The following OR8H2 variants were observed in gnomAD, a reference collection of about 807,000 sequenced individuals.
OR8H2 encodes olfactory receptor family 8 subfamily H member 2.
For missense variants in OR8H2, 374 were observed against 371.1 expected (o/e 1.01, Z -0.06); for synonymous variants, 157 against 139.2 (o/e 1.13, Z -0.90).
At position 56,103,703 on chromosome 11, in the gene OR8H2, TGTG is replaced by T. The variant is rs1000847903; in HGVS notation, c.-453_-451del. The T allele has an allele frequency of 1.9e-4, 29 of 152,344 alleles. No individual in the cohort carries two copies. Among genetic ancestry groups the T allele is most frequent in the African/African-American group, 7.0e-4 (29 of 41,580 alleles). The allele number at this position is 152,344 out of a possible 1,614,324, so 9.4% of individuals were successfully genotyped here. A position where few individuals can be genotyped will look rare whatever the true frequency, so the allele number is the denominator to read the frequency against. ...AGTGAGAGGGAAAGAATAATCTCCT[TGTG>T]GTCACAGTAGCTGCTGGTCTTCTTT... is the stretch of plus-strand genomic sequence containing the variant. On this transcript the variant is annotated 5_prime_UTR_variant, in exon 1 of 2. Transcript: ENST00000313503.
At position 56,106,228 on chromosome 11, in the gene OR8H2, C is replaced by G. The variant is rs1263120843; in HGVS notation, c.*247C>G. On this transcript the variant is annotated 3_prime_UTR_variant, in exon 2 of 2. Transcript: ENST00000313503. ...GTCTACATATATGTGTTTGAAGCAA[C>G]TGATGTGGAAAATAAGAAAATATGG... The G allele has an allele frequency of 3.6e-6, 1 of 280,216 alleles. No individual in the cohort carries two copies. The highest frequency in any genetic ancestry group is 6.6e-6 in the Non-Finnish European group (1 of 151,962). 17.4% of individuals were successfully genotyped at this position (280,216 alleles called of 1,614,324 possible).
At chr11:56,104,236 C>T (rs991813089) in intron 1 of OR8H2, among the ~76,000 whole-genome samples, 6 of 151,930 alleles carry the variant, frequency 3.9e-5, no homozygotes, top group South Asian at 2.1e-4. Flanking sequence ...GAAAACATTA[C>T]GTATTTTATA....
chr11:56,105,884 T>C lies in OR8H2; in HGVS notation c.842T>C (p.Val281Ala). Reference sequence around the variant, plus strand: ...GTGGCTTCTGTTTTTTATACTATTGTGATTCCCGTGCTGAATCCACTCATT... The same window carrying C: ...GTGGCTTCTGTTTTTTATACTATTGCGATTCCCGTGCTGAATCCACTCATT... ...DQVASVFYTI[V>A]IPVLNPLIYS... Residue 281 changes from valine to alanine, a missense_variant, in exon 2 of 2, where the codon GTG (valine) becomes GCG (alanine). By Grantham distance (64) the Val-to-Ala change is moderately conservative (BLOSUM62 0). Coordinates refer to ENST00000313503, the MANE Select transcript of OR8H2 (RefSeq NM_001386064.1). The C allele has an allele frequency of 1.8e-5, 29 of 1,611,022 alleles. No individual in the cohort carries two copies. The highest frequency in any genetic ancestry group is 2.5e-5 in the Non-Finnish European group (29 of 1,177,430).
chr11:56,104,870 A>G lies in OR8H2; in HGVS notation c.-171-2A>G. The G allele has an allele frequency of 2.1e-6, 1 of 481,232 alleles. No homozygotes were observed. The highest frequency in any genetic ancestry group is 5.4e-5 in the South Asian group (1 of 18,520). 29.8% of individuals were successfully genotyped at this position (481,232 alleles called of 1,614,324 possible). ...TTGTTTGTTTTTTGTTTTTTGAGTC[A>G]GAGTCTGGCACAGTCGCCAGGGCTG... On this transcript the variant is annotated splice_acceptor_variant, in intron 1 of 1. Transcript: ENST00000313503. LOFTEE classifies it low-confidence loss of function (5UTR_SPLICE).
chr11:56,104,195 G>C (rs1854016183), intron 1 of OR8H2, among the ~76,000 whole-genome samples: 1 of 151,898 alleles, frequency 6.6e-6, no homozygotes, highest in Non-Finnish European at 1.5e-5. Context: ...ATAATTTTTG[G>C]AAGAAATTAG....
chr11:56,104,731 T>C (rs189768598), intron 1 of OR8H2, 141 bp from the exon 2 acceptor site: 290 of 264,592 alleles, frequency 1.1e-3, no homozygotes, highest in African/African-American at 6.1e-3. Context: ...CTTACATCAA[T>C]ATTGGCAATA....
At position 56,105,478 on chromosome 11, in the gene OR8H2, A is replaced by G; in HGVS notation, c.436A>G (p.Thr146Ala). The change falls in exon 2 of 2, where the codon ACT becomes GCT. Residue 146 changes from threonine (T) to alanine (A), a missense_variant. Physicochemically the swap from Thr to Ala is moderately conservative, Grantham distance 58. Transcript: ENST00000313503. ...MSKRLCLALITGPYVIGFIDS... is the reference protein window; with the variant it reads ...MSKRLCLALIAGPYVIGFIDS... ...CAAAAGGCTCTGCCTCGCTCTCATC[A>G]CTGGGCCTTATGTGATTGGCTTTAT... 1 of 1,614,078 alleles carries G rather than the reference A, an allele frequency of 6.2e-7. No individual in the cohort carries two copies. Among genetic ancestry groups the G allele is most frequent in the Non-Finnish European group, 8.5e-7 (1 of 1,180,022 alleles).
Position 56,104,990 on chromosome 11 carries a change from G to A in OR8H2, c.-53G>A. 1 of 1,459,100 alleles carries A rather than the reference G, an allele frequency of 6.9e-7. No homozygotes were observed. The allele number at this position is 1,459,100 out of a possible 1,614,324, so 90.4% of individuals were successfully genotyped here. A position where few individuals can be genotyped will look rare whatever the true frequency, so the allele number is the denominator to read the frequency against. On this transcript the variant is annotated 5_prime_UTR_variant, in exon 2 of 2. Coordinates refer to ENST00000313503, the MANE Select transcript of OR8H2 (RefSeq NM_001386064.1). ...GCTTCTCCAGTAGCTGGGATTACAG[G>A]CGCCCCTGCTACGTATCAGCTTTGA...
In OR8H2 at chr11:56,105,693, C is replaced by T. The variant is rs1854045081; in HGVS notation, c.651C>T (p.Ser217=). Residue 217 remains serine (S), a synonymous_variant, in exon 2 of 2, where the codon TCC becomes TCT. Transcript: ENST00000313503. ...LMVSLFTISA[S]YVFILFTILK... The stretch of plus-strand genomic sequence containing the variant: ...TGTCCCTTTTCACAATATCTGCATC[C>T]TATGTGTTCATTCTCTTTACCATCC... 1.9e-6 allele frequency: 3 copies of T among 1,614,094 alleles called. No homozygotes were observed. Among genetic ancestry groups the T allele is most frequent in the Non-Finnish European group, 1.7e-6 (2 of 1,179,938 alleles).
In OR8H2 at chr11:56,105,785, T is replaced by A; in HGVS notation, c.743T>A (p.Val248Asp). 6.2e-7 allele frequency: 1 copy of A among 1,613,574 alleles called. No homozygotes were observed. ...FSTCVSHLLG[V>D]TIFYSTLIFT... ...ACTTGCGTCTCTCATCTCTTGGGAG[T>A]CACCATCTTTTATAGCACTCTGATT... The change falls in exon 2 of 2, where the codon GTC becomes GAC. Residue 248 changes from valine to aspartate, a missense_variant. Coordinates refer to ENST00000313503, the MANE Select transcript of OR8H2 (RefSeq NM_001386064.1).
At position 56,107,157 on chromosome 11, in the gene OR8H2, T is replaced by C. The variant is rs1854065943; in HGVS notation, c.*1176T>C. 1 of 151,928 alleles carries C rather than the reference T, an allele frequency of 6.6e-6. No homozygotes were observed. 9.4% of individuals were successfully genotyped at this position (151,928 alleles called of 1,614,324 possible). A position where few individuals can be genotyped will look rare whatever the true frequency, so the allele number is the denominator to read the frequency against. The stretch of plus-strand genomic sequence containing the variant: ...ACTTCACAATGTTTTGGACTTGAAA[T>C]ATAAACTCACCAACTTACAAATCTA... On this transcript the variant is annotated 3_prime_UTR_variant, in exon 2 of 2. Transcript: ENST00000313503.
At chr11:56,104,729 A>T (rs995758010) in intron 1 of OR8H2, 143 bp from the exon 2 acceptor site, 1 of 261,388 alleles carries the variant, frequency 3.8e-6, no homozygotes, top group African/African-American at 2.2e-5. Context: ...TACTTACATC[A>T]ATATTGGCAA....
In OR8H2 at chr11:56,104,910, G is replaced by C; in HGVS notation, c.-133G>C. ...CGCCAGGGCTGGAATGCAATGGTGC[G>C]ATCCCGGCTCACTGCAACCTCCGCC... On this transcript the variant is annotated 5_prime_UTR_variant, in exon 2 of 2. Transcript: ENST00000313503. 1.3e-6 allele frequency: 1 copy of C among 763,824 alleles called. No individual in the cohort carries two copies. The highest frequency in any genetic ancestry group is 1.8e-5 in the South Asian group (1 of 56,792). 47.3% of individuals were successfully genotyped at this position (763,824 alleles called of 1,614,324 possible). A position where few individuals can be genotyped will look rare whatever the true frequency, so the allele number is the denominator to read the frequency against.
At position 56,105,588 on chromosome 11, in the gene OR8H2, C is replaced by T. The variant is rs528209057; in HGVS notation, c.546C>T (p.Ser182=). Residue 182 remains serine, a synonymous_variant, in exon 2 of 2, where the codon TCC becomes TCT. Coordinates refer to ENST00000313503, the MANE Select transcript of OR8H2 (RefSeq NM_001386064.1). ...NVIHHFFCDT[S]PILALSCTDT... The stretch of plus-strand genomic sequence containing the variant: ...TTCATCACTTTTTCTGTGACACTTC[C>T]CCAATTTTAGCTCTGTCCTGCACTG... The T allele has an allele frequency of 6.2e-7, 1 of 1,614,166 alleles. No homozygotes were observed. Among genetic ancestry groups the T allele is most frequent in the African/African-American group, 1.3e-5 (1 of 75,030 alleles).
chr11:56,107,006 T>C lies in OR8H2; in HGVS notation c.*1025T>C, dbSNP rs1854063477. On this transcript the variant is annotated 3_prime_UTR_variant, in exon 2 of 2. Coordinates refer to ENST00000313503, the MANE Select transcript of OR8H2 (RefSeq NM_001386064.1). ...AATATGTGCATGTATATAACACATA[T>C]AAACAAAATTTGTATCACTTTCCAT... The C allele has an allele frequency of 6.6e-6, 1 of 151,966 alleles. No homozygotes were observed. Among genetic ancestry groups the C allele is most frequent in the African/African-American group, 2.4e-5 (1 of 41,448 alleles). The allele number at this position is 151,966 out of a possible 1,614,324, so 9.4% of individuals were successfully genotyped here. A position where few individuals can be genotyped will look rare whatever the true frequency, so the allele number is the denominator to read the frequency against.
chr11:56,105,867 T>A lies in OR8H2; in HGVS notation c.825T>A (p.Ser275=). Residue 275 remains serine (S), a synonymous_variant, in exon 2 of 2, where the codon TCT becomes TCA. Coordinates refer to ENST00000313503, the MANE Select transcript of OR8H2 (RefSeq NM_001386064.1). ...CCTTGGGAAGAGATCAAGTGGCTTC[T>A]GTTTTTTATACTATTGTGATTCCCG... ...SYSLGRDQVA[S]VFYTIVIPVL... is the part of the protein sequence containing the mutation. The A allele has an allele frequency of 6.2e-7, 1 of 1,612,146 alleles. No homozygotes were observed. The highest frequency in any genetic ancestry group is 1.3e-5 in the African/African-American group (1 of 75,014).
chr11:56,104,698 AC>A (rs1381195234), intron 1 of OR8H2, among the ~76,000 whole-genome samples, 173 bp from the exon 2 acceptor site: 2 of 152,226 alleles, frequency 1.3e-5, no homozygotes, highest in African/African-American at 4.8e-5. Flanking sequence ...CTTTATTGTA[AC>A]ATATGCAAAT....
chr11:56,105,978 G>A lies in OR8H2; in HGVS notation c.936G>A (p.Arg312=), dbSNP rs373631782. 12 of 1,526,606 alleles carry A rather than the reference G, an allele frequency of 7.9e-6. No homozygotes were observed. The African/African-American group carries it at 1.4e-4, about 18-fold the overall frequency. 94.6% of individuals were successfully genotyped at this position (1,526,606 alleles called of 1,614,324 possible). ...TCATGCAGAGAAGACAGGACTCCAG[G>A]TAATTAATATAGCAGGAATGCTGAA... ...IRVMQRRQDS[R] The change falls in exon 2 of 2, where the codon AGG becomes AGA. Residue 312 remains arginine, a synonymous_variant. Coordinates refer to ENST00000313503, the MANE Select transcript of OR8H2 (RefSeq NM_001386064.1).
chr11:56,105,369 T>G lies in OR8H2; in HGVS notation c.327T>G (p.Thr109=), dbSNP rs1359637949. 1.9e-6 allele frequency: 3 copies of G among 1,614,270 alleles called. No homozygotes were observed. The highest frequency in any genetic ancestry group is 2.5e-6 in the Non-Finnish European group (3 of 1,180,046). The change falls in exon 2 of 2, where the codon ACT becomes ACG. Residue 109 remains threonine, a synonymous_variant. Coordinates refer to ENST00000313503, the MANE Select transcript of OR8H2 (RefSeq NM_001386064.1). ...AQMFFFAFLG[T]AECYLLSSMA... ...TGTTCTTTTTTGCCTTCTTGGGTAC[T>G]GCTGAATGTTACCTTCTCTCCTCAA...
Sources: allele counts gnomAD v4.1 joint callset (sites outside exome capture counted in the v4.1 genomes callset), GRCh38; gene constraint gnomAD v4.1.1; transcripts MANE v1.5; gene names NCBI Gene and HGNC (gene_info 2026-07-23, HGNC 2026-07-21).